The following SLC25A30 variants were observed in gnomAD, a reference collection of about 807,000 sequenced individuals.
The protein encoded by SLC25A30 is kidney mitochondrial carrier protein 1.
A neutral mutation model predicts 42.7 loss-of-function variants in SLC25A30; 29 were observed. The observed-to-expected ratio is 0.68, with a 90% CI of 0.51 to 0.93. The LOEUF is 0.93. Among genes scored for constraint, SLC25A30 ranks in the 40% least tolerant of loss-of-function variants. The pLI is 0.00. For synonymous variants in SLC25A30, 124 were observed against 131.0 expected (o/e 0.95, Z 0.37); for missense variants, 300 against 359.7 (o/e 0.83, Z 1.34).
intron 3 of SLC25A30, among the ~76,000 whole-genome samples, chr13:45,408,626 A>G (rs1429252717): frequency 1.3e-5 from 2 of 152,236 alleles, no homozygotes; most frequent in African/African-American, 4.8e-5. Context: ...CAGAATATCT[A>G]AGAAAAAGAG....
At chr13:45,429,129 C>T in the SLC25A30 span, among the ~76,000 whole-genome samples, 6 of 130,062 alleles carry the variant, frequency 4.6e-5, no homozygotes, top group African/African-American at 9.1e-5. Context: ...AGTGCAATGG[C>T]GCAGTCTCAG....
the SLC25A30 span, among the ~76,000 whole-genome samples, chr13:45,426,082 A>G: frequency 6.7e-6 from 1 of 148,898 alleles, no homozygotes; most frequent in Non-Finnish European, 1.5e-5. Context: ...ATTTAAATAT[A>G]TTTTTAAATG....
intron 6 of SLC25A30, among the ~76,000 whole-genome samples, chr13:45,401,726 A>G (rs895829329): frequency 4.6e-5 from 7 of 152,206 alleles, no homozygotes; most frequent in South Asian, 2.1e-4. Context: ...TATCCTTCAC[A>G]CAATATCTTA....
intron 3 of SLC25A30, 120 bp downstream of exon 3, chr13:45,408,807 A>G: frequency 1.3e-6 from 1 of 787,502 alleles, no homozygotes; most frequent in Non-Finnish European, 1.9e-6. Context: ...CTGTCATGCT[A>G]TTTGTTCTTT....
intron 1 of SLC25A30, among the ~76,000 whole-genome samples, chr13:45,416,457 C>T (rs1448333750): frequency 6.6e-6 from 1 of 151,512 alleles, no homozygotes; most frequent in Non-Finnish European, 1.5e-5. Flanking sequence ...GTGAAAAATA[C>T]AAAGTAAAAA....
In SLC25A30 at chr13:45,395,569, G is replaced by A; in HGVS notation, c.*405C>T. On this transcript the variant is annotated 3_prime_UTR_variant, in exon 10 of 10. Transcript: ENST00000519676. ...TCAGAAACCATAACACCTTCTCGGAGGCTCCATTCCATGGTTCCAGTGAGC... is the reference window on the plus strand; with the variant it reads ...TCAGAAACCATAACACCTTCTCGGAAGCTCCATTCCATGGTTCCAGTGAGC... 1.9e-6 allele frequency: 2 copies of A among 1,080,500 alleles called. No individual in the cohort carries two copies. The highest frequency in any genetic ancestry group is 1.6e-5 in the African/African-American group (1 of 60,942). 66.9% of individuals were successfully genotyped at this position (1,080,500 alleles called of 1,614,324 possible). A position where few individuals can be genotyped will look rare whatever the true frequency, so the allele number is the denominator to read the frequency against.
In SLC25A30 at chr13:45,396,028, G is replaced by A; in HGVS notation, c.835-13C>T. The A allele has an allele frequency of 1.2e-6, 2 of 1,614,142 alleles. No individual in the cohort carries two copies. The highest frequency in any genetic ancestry group is 1.1e-5 in the South Asian group (1 of 91,078). On this transcript the variant is annotated splice_polypyrimidine_tract_variant and intron_variant, in intron 9 of 9. Coordinates refer to ENST00000519676, the MANE Select transcript of SLC25A30 (RefSeq NM_001010875.4). ...ATGTCACAAAGAACTGTGGTTATGG[G>A]TTAAGGATGACACAGAAAATGCCAT...
chr13:45,404,103 C>T (rs1054509967), intron 5 of SLC25A30, among the ~76,000 whole-genome samples: 1 of 152,170 alleles, frequency 6.6e-6, no homozygotes, highest in South Asian at 2.1e-4. Context: ...TTTTTCTCCT[C>T]AATCACCGAA....
Position 45,394,489 on chromosome 13 carries a change from A to G in SLC25A30, c.*1485T>C. Reference sequence around the variant, plus strand: ...TGGAAGGAGAATGCCCTGGAGCCCCAGCTAACATGTATTTAATGTTGTTCT... The same window carrying G: ...TGGAAGGAGAATGCCCTGGAGCCCCGGCTAACATGTATTTAATGTTGTTCT... On this transcript the variant is annotated 3_prime_UTR_variant, in exon 10 of 10. Coordinates refer to ENST00000519676, the MANE Select transcript of SLC25A30 (RefSeq NM_001010875.4). 1 of 985,414 alleles carries G rather than the reference A, an allele frequency of 1.0e-6. No individual in the cohort carries two copies. The highest frequency in any genetic ancestry group is 4.7e-5 in the South Asian group (1 of 21,280). 61.0% of individuals were successfully genotyped at this position (985,414 alleles called of 1,614,324 possible).
At chr13:45,423,522 AC>A in the SLC25A30 span, among the ~76,000 whole-genome samples, 2 of 113,150 alleles carry the variant, frequency 1.8e-5, no homozygotes, top group African/African-American at 7.2e-5. Context: ...ATATATATAT[AC>A]AAATATATAT....
chr13:45,424,614 T>TAGAAATATGTATATAAAC, the SLC25A30 span, among the ~76,000 whole-genome samples: 2 of 59,698 alleles, frequency 3.4e-5, no homozygotes, highest in Non-Finnish European at 5.8e-5. Flanking sequence ...TATAAATATA[T>TAGAAATATGTATATAAAC]ATAAATATAT....
At chr13:45,402,605 CGT>C (rs1882104801) in intron 5 of SLC25A30, among the ~76,000 whole-genome samples, 1 of 152,154 alleles carries the variant, frequency 6.6e-6, no homozygotes, top group Non-Finnish European at 1.5e-5. Context: ...CAGAGTCCTA[CGT>C]ACAGCAGTTC....
At chr13:45,423,839 T>TAAATATATATTTATATATA in the SLC25A30 span, among the ~76,000 whole-genome samples, 1 of 65,244 alleles carries the variant, frequency 1.5e-5, no homozygotes, top group Non-Finnish European at 2.7e-5. Flanking sequence ...TTTATATATA[T>TAAATATATATTTATATATA]AAATATGTAA....
chr13:45,397,888 G>T (rs1308014648), intron 8 of SLC25A30: 2 of 985,406 alleles, frequency 2.0e-6, no homozygotes, highest in Non-Finnish European at 2.4e-6. Flanking sequence ...ACTGTTGAGT[G>T]AGGAAAAAAT....
chr13:45,424,048 TAA>T, the SLC25A30 span, among the ~76,000 whole-genome samples: 1 of 83,820 alleles, frequency 1.2e-5, no homozygotes, highest in South Asian at 4.0e-4. Flanking sequence ...TAAATATATA[TAA>T]ATCTATAAAA....
chr13:45,430,415 A>G, the SLC25A30 span, among the ~76,000 whole-genome samples: 1 of 152,196 alleles, frequency 6.6e-6, no homozygotes, highest in African/African-American at 2.4e-5. Flanking sequence ...AAAGAGTTTA[A>G]AGTAGTTGCC....
chr13:45,413,765 C>A (rs1182253376), intron 1 of SLC25A30, among the ~76,000 whole-genome samples: 1 of 152,208 alleles, frequency 6.6e-6, no homozygotes, highest in Non-Finnish European at 1.5e-5. Context: ...GTTGGCCAGG[C>A]TGGTCTTGAA....
At chr13:45,420,817 C>T (rs377410977), upstream of SLC25A30, among the ~76,000 whole-genome samples, 23 of 152,230 alleles carry the variant, frequency 1.5e-4, no homozygotes, top group East Asian at 1.9e-3. Context: ...CCTCCTGCCT[C>T]GGCCTCCCAA....
intron 6 of SLC25A30, 134 bp from the exon 7 acceptor site, chr13:45,401,341 G>A: frequency 1.2e-6 from 1 of 860,268 alleles, no homozygotes; most frequent in South Asian, 1.9e-5. Context: ...GAAATGTAGA[G>A]TGACAGAGCG....
Sources: gnomAD v4.1 joint callset for allele counts (sites outside exome capture counted in the v4.1 genomes callset) on GRCh38, gnomAD v4.1.1 for gene constraint, MANE v1.5 for transcripts, NCBI Gene and HGNC (gene_info 2026-07-23, HGNC 2026-07-21) for gene names.